FANCB: variants seen among roughly 807,000 people sequenced by gnomAD.
FANCB encodes the protein Fanconi anemia group B protein.
In FANCB, 5 loss-of-function variants were observed where a neutral mutation model predicts 38.9. That is an observed-to-expected ratio of 0.13 (90% confidence interval 0.07 to 0.27). The LOEUF is 0.27. FANCB is among the 10% of genes least tolerant of loss of function. FANCB has a pLI of 1.00. For synonymous variants in FANCB, 236 were observed against 215.4 expected (o/e 1.10, Z -0.84); for missense variants, 573 against 602.7 (o/e 0.95, Z 0.52).
the FANCB span, among the ~76,000 whole-genome samples, chrX:14,817,506 A>T: frequency 8.9e-6 from 1 of 111,759 alleles, no homozygotes; most frequent in African/African-American, 3.3e-5. Flanking sequence ...AGATGTCAGT[A>T]GTAAGAAGTA....
intron 3 of FANCB, among the ~76,000 whole-genome samples, chrX:14,861,004 T>G (rs2147434400): frequency 9.0e-6 from 1 of 110,915 alleles, no homozygotes; most frequent in African/African-American, 3.3e-5. Flanking sequence ...CACCTCGGCC[T>G]CCCAAGTAGC....
At chrX:14,775,642 T>C in the FANCB span, among the ~76,000 whole-genome samples, 2 of 112,013 alleles carry the variant, frequency 1.8e-5, no homozygotes, top group East Asian at 5.6e-4. Context: ...TCTGTTTTGC[T>C]TATTTATTTG....
At chrX:14,850,986 C>G (rs953062761) in intron 6 of FANCB, among the ~76,000 whole-genome samples, 1 of 110,991 alleles carries the variant, frequency 9.0e-6, no homozygotes, top group African/African-American at 3.3e-5. Flanking sequence ...TAATATGTAC[C>G]CCAGTTATAC....
the FANCB span, among the ~76,000 whole-genome samples, chrX:14,807,219 G>A: frequency 8.9e-6 from 1 of 112,187 alleles, no homozygotes; most frequent in Non-Finnish European, 1.9e-5. Context: ...CAGACATAAA[G>A]TGTATTTCCA....
chrX:14,810,763 C>T, the FANCB span, among the ~76,000 whole-genome samples: 1 of 111,881 alleles, frequency 8.9e-6, no homozygotes, highest in East Asian at 2.8e-4. Flanking sequence ...TCCAGGAGAA[C>T]TTCCCCAATC....
the FANCB span, among the ~76,000 whole-genome samples, chrX:14,700,599 A>G: frequency 8.9e-6 from 1 of 112,074 alleles, no homozygotes; most frequent in Admixed American, 9.4e-5. Context: ...TTAGGAAGTC[A>G]GAGGACATTG....
At chrX:14,727,869 A>G in the FANCB span, among the ~76,000 whole-genome samples, 1,017 of 111,707 alleles carry the variant, frequency 9.1e-3, 14 homozygotes, top group African/African-American at 0.03. Flanking sequence ...TGAAAGTTCC[A>G]TGCAGATAGA....
At chrX:14,773,001 G>A in the FANCB span, among the ~76,000 whole-genome samples, 2 of 110,931 alleles carry the variant, frequency 1.8e-5, no homozygotes, top group Admixed American at 9.5e-5. Flanking sequence ...ACTTTTCTTC[G>A]TTTTTCATGG....
At chrX:14,734,757 T>C in the FANCB span, among the ~76,000 whole-genome samples, 496 of 111,045 alleles carry the variant, frequency 4.5e-3, 3 homozygotes, top group Non-Finnish European at 7.9e-3. Context: ...TTCCTGAATT[T>C]GAATGTTGGC....
At chrX:14,826,965 T>G in the FANCB span, among the ~76,000 whole-genome samples, 1 of 111,750 alleles carries the variant, frequency 8.9e-6, no homozygotes, top group African/African-American at 3.2e-5. Flanking sequence ...ATCCCTTCCT[T>G]TCTCCCCAGA....
chrX:14,764,158 G>C, the FANCB span, among the ~76,000 whole-genome samples: 1 of 111,796 alleles, frequency 8.9e-6, no homozygotes, highest in Non-Finnish European at 1.9e-5. Context: ...GGTCTCCCAA[G>C]GCTGCAATTA....
At position 14,850,575 on chromosome X, in the gene FANCB, C is replaced by T. The variant is rs372644335; in HGVS notation, c.1426G>A (p.Glu476Lys). The change falls in exon 7 of 10, where the codon GAG becomes AAG. Residue 476 changes from glutamate to lysine, a missense_variant. Coordinates refer to ENST00000650831, the MANE Select transcript of FANCB (RefSeq NM_001018113.3). Reference sequence around the variant, plus strand: ...TCTATTACACGATACCATATCTTCTCTACTAGCTGTTCTGAATCTTGAAAA... The same window carrying T: ...TCTATTACACGATACCATATCTTCTTTACTAGCTGTTCTGAATCTTGAAAA... ...DNFQDSEQLV[E>K]KIWYRVIDDS... is the part of the protein sequence containing the mutation. 3 of 1,193,153 alleles carry T rather than the reference C, an allele frequency of 2.5e-6. No individual in the cohort carries two copies. The highest frequency in any genetic ancestry group is 3.4e-6 in the Non-Finnish European group (3 of 878,850).
chrX:14,838,022 G>C (rs1340342840), intron 10 of FANCB, among the ~76,000 whole-genome samples: 6 of 112,101 alleles, frequency 5.4e-5, no homozygotes, highest in Non-Finnish European at 1.1e-4. Context: ...GCTTAAATGT[G>C]ACTAGGATCA....
At chrX:14,783,017 G>A in the FANCB span, among the ~76,000 whole-genome samples, 1 of 111,151 alleles carries the variant, frequency 9.0e-6, no homozygotes, top group Non-Finnish European at 1.9e-5. Context: ...AATTAGGCAG[G>A]GCTGAAACAG....
the FANCB span, among the ~76,000 whole-genome samples, chrX:14,698,612 A>C: frequency 2.2e-5 from 2 of 91,276 alleles, no homozygotes; most frequent in African/African-American, 8.3e-5. Context: ...CGGGAGGTGG[A>C]GATTGCAGTG....
the FANCB span, among the ~76,000 whole-genome samples, chrX:14,722,254 G>A: frequency 9.0e-6 from 1 of 111,423 alleles, no homozygotes; most frequent in Non-Finnish European, 1.9e-5. Context: ...AGTAACTGGG[G>A]CTGGAACAGC....
At chrX:14,850,431 G>T in intron 7 of FANCB, 74 bp downstream of exon 7, 1 of 803,210 alleles carries the variant, frequency 1.2e-6, no homozygotes, top group Non-Finnish European at 1.9e-6. Flanking sequence ...ATTGCACGTG[G>T]CTTACATTAA....
At chrX:14,702,822 C>T in the FANCB span, among the ~76,000 whole-genome samples, 1 of 111,298 alleles carries the variant, frequency 9.0e-6, no homozygotes, top group Admixed American at 9.6e-5. Flanking sequence ...GGCACTTGGA[C>T]AGGGTTGCGT....
chrX:14,769,574 G>C, the FANCB span, among the ~76,000 whole-genome samples: 6 of 110,807 alleles, frequency 5.4e-5, no homozygotes, highest in Admixed American at 2.9e-4. Flanking sequence ...CTAGCTAGTG[G>C]TCCATCTGTT....
Sources: gnomAD v4.1 joint callset for allele counts (sites outside exome capture counted in the v4.1 genomes callset) on GRCh38, gnomAD v4.1.1 for gene constraint, MANE v1.5 for transcripts, NCBI Gene and HGNC (gene_info 2026-07-23, HGNC 2026-07-21) for gene names.